The following ZFAND3 variants were observed in gnomAD, a reference collection of about 807,000 sequenced individuals.
The protein encoded by ZFAND3 is AN1-type zinc finger protein 3.
A neutral mutation model predicts 29.6 loss-of-function variants in ZFAND3; 10 were observed. The ratio of observed to expected loss-of-function variants is 0.34; its 90% CI spans 0.21 to 0.57. The LOEUF is 0.57. ZFAND3 is among the 20% of genes least tolerant of loss of function. The pLI is 0.86. For synonymous variants in ZFAND3, 128 were observed against 112.6 expected, an observed-to-expected ratio of 1.14 and a Z score of -0.87; for missense variants, 230 against 304.5, an observed-to-expected ratio of 0.76 and a Z score of 1.82.
intron 5 of ZFAND3, among the ~76,000 whole-genome samples, chr6:38,118,819 G>A (rs974831858): frequency 6.6e-6 from 1 of 150,758 alleles, no homozygotes; most frequent in African/African-American, 2.4e-5. Context: ...CTCAAGTAAA[G>A]CCAACTTGTC....
At chr6:37,902,737 CTTTTTTTTT>C (rs11448512) in intron 1 of ZFAND3, among the ~76,000 whole-genome samples, 23 of 100,422 alleles carry the variant, frequency 2.3e-4, no homozygotes, top group African/African-American at 7.5e-4. Context: ...CTTTTACTTA[CTTTTTTTTT>C]TTTTTTTTTT....
intron 1 of ZFAND3, among the ~76,000 whole-genome samples, chr6:37,919,513 T>A (rs1043745312): frequency 6.6e-6 from 1 of 152,162 alleles, no homozygotes; most frequent in Non-Finnish European, 1.5e-5. Context: ...AATATCACAT[T>A]CATTTTTTTT....
At chr6:38,092,209 G>A (rs1764887866) in intron 4 of ZFAND3, among the ~76,000 whole-genome samples, 2 of 152,208 alleles carry the variant, frequency 1.3e-5, no homozygotes, top group Non-Finnish European at 2.9e-5. Context: ...CTCAGAAGGA[G>A]TTGCTTATGT....
chr6:38,141,919 T>G lies in ZFAND3; in HGVS notation c.530-10316T>G, dbSNP rs1301014959. Among the ~76,000 whole-genome samples the G allele has an allele frequency of 2.0e-5, 3 of 152,316 alleles. No homozygotes were observed. In the East Asian group the frequency reaches 5.8e-4, roughly 29 times the overall value. On this transcript the variant is annotated intron_variant, in intron 5 of 5. Coordinates refer to ENST00000287218, the MANE Select transcript of ZFAND3 (RefSeq NM_021943.3). ...CTTCCTTGAGCACATGCCGGGTGCT[T>G]CACAGGCACGGTTTTCATTTATGCC... is the stretch of plus-strand genomic sequence containing the variant.
intron 1 of ZFAND3, among the ~76,000 whole-genome samples, chr6:37,847,825 A>G (rs1764210470): frequency 6.6e-6 from 1 of 152,202 alleles, no homozygotes; most frequent in African/African-American, 2.4e-5. Flanking sequence ...TTTGTGTGAA[A>G]ATTACATGAA....
intron 2 of ZFAND3, among the ~76,000 whole-genome samples, chr6:38,021,090 C>A (rs577839989): frequency 1.6e-4 from 25 of 152,244 alleles, no homozygotes; most frequent in African/African-American, 5.8e-4. Flanking sequence ...TAACAACCTC[C>A]AACTAGTAAA....
chr6:38,059,054 A>G (rs1468116693), intron 2 of ZFAND3, among the ~76,000 whole-genome samples: 1 of 152,202 alleles, frequency 6.6e-6, no homozygotes, highest in East Asian at 1.9e-4. Context: ...TGATATAATA[A>G]ACTATAATCT....
intron 2 of ZFAND3, among the ~76,000 whole-genome samples, chr6:38,006,096 TA>T (rs1763043681): frequency 6.6e-6 from 1 of 152,222 alleles, no homozygotes; most frequent in Non-Finnish European, 1.5e-5. Flanking sequence ...GGGTTACTTT[TA>T]CTTCAGTTTC....
At chr6:37,892,495 A>G (rs891036771) in intron 1 of ZFAND3, among the ~76,000 whole-genome samples, 11 of 152,242 alleles carry the variant, frequency 7.2e-5, no homozygotes, top group East Asian at 3.8e-4. Context: ...ACAGCTGTCA[A>G]TGCCTATGTT....
chr6:38,148,351 A>T (rs1440080610), intron 5 of ZFAND3, among the ~76,000 whole-genome samples: 2 of 152,198 alleles, frequency 1.3e-5, no homozygotes, highest in Non-Finnish European at 2.9e-5. Flanking sequence ...TACCCTGGGT[A>T]ATAATACCAG....
intron 2 of ZFAND3, among the ~76,000 whole-genome samples, chr6:37,948,271 GCTGT>G (rs1468819352): frequency 6.6e-6 from 1 of 152,114 alleles, no homozygotes; most frequent in African/African-American, 2.4e-5. Flanking sequence ...GTGTTTTGAA[GCTGT>G]CTTACTAGGT....
intron 4 of ZFAND3, among the ~76,000 whole-genome samples, chr6:38,104,234 TTTCAATGAACCCATCC>T (rs1186454989): frequency 6.6e-6 from 1 of 152,126 alleles, no homozygotes; most frequent in Non-Finnish European, 1.5e-5. Context: ...GGCTGCAGTT[TTTCAATGAACCCATCC>T]TCATCTGTGC....
chr6:38,044,773 T>C (rs1763863870), intron 2 of ZFAND3, among the ~76,000 whole-genome samples: 1 of 152,196 alleles, frequency 6.6e-6, no homozygotes, highest in African/African-American at 2.4e-5. Flanking sequence ...TGGGGCTGTT[T>C]GTGCGGAAGA....
chr6:37,998,677 C>T (rs1196674466), intron 2 of ZFAND3, among the ~76,000 whole-genome samples: 1 of 152,032 alleles, frequency 6.6e-6, no homozygotes, highest in Non-Finnish European at 1.5e-5. Flanking sequence ...TACAGGTTAA[C>T]AGTTCTGATA....
chr6:37,939,823 C>T (rs966705), intron 2 of ZFAND3, among the ~76,000 whole-genome samples: 43,075 of 151,898 alleles, frequency 0.28, 7,059 homozygotes, highest in Non-Finnish European at 0.38. Context: ...GGGCGGATCA[C>T]GAGGTCAGGA....
chr6:37,965,251 G>C (rs1342621088), intron 2 of ZFAND3, among the ~76,000 whole-genome samples: 1 of 151,928 alleles, frequency 6.6e-6, no homozygotes, highest in Non-Finnish European at 1.5e-5. Flanking sequence ...ACTTTGTTTA[G>C]ACCAGTAACT....
chr6:38,088,777 A>G (rs763909694), intron 4 of ZFAND3, among the ~76,000 whole-genome samples: 2 of 152,200 alleles, frequency 1.3e-5, no homozygotes, highest in Non-Finnish European at 2.9e-5. Flanking sequence ...TGCTGTGTGT[A>G]TGTTTAAAAT....
chr6:38,126,923 GT>G (rs200448401), intron 5 of ZFAND3, among the ~76,000 whole-genome samples: 16,492 of 142,348 alleles, frequency 0.12, 1,117 homozygotes, highest in African/African-American at 0.18. Context: ...TTTTTAGATT[GT>G]TTTTTTTTTT....
rs538249061 is a variant in ZFAND3, at chr6:37,951,640, A to G, written c.112+21641A>G. Among the ~76,000 whole-genome samples the G allele has an allele frequency of 6.6e-5, 10 of 152,228 alleles. No homozygotes were observed. In the South Asian group the frequency reaches 2.1e-3, roughly 32 times the overall value. Reference sequence around the variant, plus strand: ...AAAAAACCATATATCATTTGCAGAAAGCGATAGTTTGACTTCTCTCTTCAT... The same window carrying G: ...AAAAAACCATATATCATTTGCAGAAGGCGATAGTTTGACTTCTCTCTTCAT... On this transcript the variant is annotated intron_variant, in intron 2 of 5. Transcript: ENST00000287218.
Sources: allele counts gnomAD v4.1 joint callset (sites outside exome capture counted in the v4.1 genomes callset), GRCh38; gene constraint gnomAD v4.1.1; transcripts MANE v1.5; gene names NCBI Gene and HGNC (gene_info 2026-07-23, HGNC 2026-07-21).